LDLRAD4: variants seen among roughly 807,000 people sequenced by gnomAD.
The protein encoded by LDLRAD4 is low density lipoprotein receptor class A domain containing 4.
Under a neutral mutation model 17.0 loss-of-function variants are expected in LDLRAD4, and 5 were observed. That is an observed-to-expected ratio of 0.29 (90% CI 0.15 to 0.62). LDLRAD4 has a LOEUF of 0.62. Ranked by LOEUF, LDLRAD4 falls within the 20% of genes least tolerant of loss-of-function variation. The probability of loss-of-function intolerance (pLI) is 0.84; values close to 1 mark genes in which losing one functional copy is unlikely to be tolerated. For missense variants in LDLRAD4, 340 were observed against 424.7 expected, an observed-to-expected ratio of 0.80 and a Z score of 1.75; for synonymous variants, 168 against 171.8, an observed-to-expected ratio of 0.98 and a Z score of 0.17.
chr18:13,643,907 T>C (rs1459931733), intron 5 of LDLRAD4, among the ~76,000 whole-genome samples: 1 of 152,228 alleles, frequency 6.6e-6, no homozygotes, highest in Non-Finnish European at 1.5e-5. Context: ...TATGCATATA[T>C]GCGTGTGTGT....
At chr18:13,233,126 C>T (rs1018995673) in intron 1 of LDLRAD4, among the ~76,000 whole-genome samples, 1 of 152,248 alleles carries the variant, frequency 6.6e-6, no homozygotes, top group Non-Finnish European at 1.5e-5. Flanking sequence ...CCACCAGTGG[C>T]GCCACCTCTT....
At chr18:13,638,407 T>C (rs1041363758) in intron 4 of LDLRAD4, among the ~76,000 whole-genome samples, 1 of 152,228 alleles carries the variant, frequency 6.6e-6, no homozygotes, top group Non-Finnish European at 1.5e-5. Flanking sequence ...GTAGCCTCCA[T>C]CTGTATAATA....
chr18:13,468,000 C>T (rs544164959), intron 3 of LDLRAD4, among the ~76,000 whole-genome samples: 5 of 152,132 alleles, frequency 3.3e-5, no homozygotes, highest in African/African-American at 4.8e-5. Context: ...AATGTATCAA[C>T]GACTTACATT....
In LDLRAD4 at chr18:13,635,968, T is replaced by A. The variant is rs868390003; in HGVS notation, c.337-7391T>A. On this transcript the variant is annotated intron_variant, in intron 4 of 5. Transcript: ENST00000359446. Reference sequence around the variant, plus strand: ...GTGTGTGTGTGTGTGTGTGTGTGTGTGATTGTGCCTTCTGTGGATATCGGC... The same window carrying A: ...GTGTGTGTGTGTGTGTGTGTGTGTGAGATTGTGCCTTCTGTGGATATCGGC... Among the ~76,000 whole-genome samples, 62 of 147,828 alleles carry A rather than the reference T, an allele frequency of 4.2e-4. 1 individual carries two copies. The highest frequency in any genetic ancestry group is 3.3e-3 in the Admixed American group (48 of 14,640).
chr18:13,568,059 G>T (rs7239181), intron 3 of LDLRAD4, among the ~76,000 whole-genome samples: 79,110 of 150,512 alleles, frequency 0.53, 20,862 homozygotes, highest in Admixed American at 0.55. Context: ...CCGAGGAGGT[G>T]GGGGGTGGGG....
chr18:13,318,687 C>T (rs144295947), intron 1 of LDLRAD4, among the ~76,000 whole-genome samples: 68 of 152,236 alleles, frequency 4.5e-4, no homozygotes, highest in African/African-American at 1.4e-3. Context: ...CTAGGCATTC[C>T]GGGGATTTCA....
chr18:13,629,583 C>T (rs1365884814), intron 4 of LDLRAD4, among the ~76,000 whole-genome samples: 1 of 152,148 alleles, frequency 6.6e-6, no homozygotes, highest in African/African-American at 2.4e-5. Context: ...CATCTATAGA[C>T]TCCCAGAGTA....
chr18:13,420,721 T>C (rs2089364757), intron 2 of LDLRAD4: 2 of 152,306 alleles, frequency 1.3e-5, no homozygotes, highest in Non-Finnish European at 2.9e-5. Context: ...AGACCTTCCA[T>C]GCATGGGCAG....
chr18:13,328,739 G>A lies in LDLRAD4; in HGVS notation c.-383+50551G>A, dbSNP rs144754435. Among the ~76,000 whole-genome samples, 21 of 152,198 alleles carry A rather than the reference G, an allele frequency of 1.4e-4. No individual in the cohort carries two copies. The East Asian group carries it at 3.9e-3, about 28-fold the overall frequency. On this transcript the variant is annotated intron_variant, in intron 1 of 5. Transcript: ENST00000359446. ...TAAAATTTGCGTTTTTAGTCAAGCA[G>A]CTCAAAAAACATATAAAAAGATGTT...
intron 3 of LDLRAD4, among the ~76,000 whole-genome samples, chr18:13,583,140 T>G (rs76611032): frequency 0.053 from 8,088 of 152,308 alleles, 776 homozygotes; most frequent in East Asian, 0.4. Context: ...ATTTTAAAAT[T>G]TATTTACTAG....
intron 3 of LDLRAD4, among the ~76,000 whole-genome samples, chr18:13,499,140 CCTT>C (rs1179696935): frequency 6.9e-6 from 1 of 145,680 alleles, no homozygotes; most frequent in Non-Finnish European, 1.5e-5. Flanking sequence ...TCTGGAGAAT[CCTT>C]CTACTCACAC....
chr18:13,624,647 GC>G (rs548798690), intron 4 of LDLRAD4, among the ~76,000 whole-genome samples: 2 of 152,228 alleles, frequency 1.3e-5, no homozygotes, highest in South Asian at 4.1e-4. Flanking sequence ...CCCATGCCTG[GC>G]CTGGCCCATG....
intron 2 of LDLRAD4, among the ~76,000 whole-genome samples, chr18:13,400,408 G>T (rs906573426): frequency 9.2e-5 from 14 of 152,188 alleles, no homozygotes; most frequent in African/African-American, 3.4e-4. Context: ...TTTGGGCTTG[G>T]GTCAGAGTCC....
rs541218604 is a variant in LDLRAD4 at position 13,578,195 on chromosome 18, C to A, written c.182-42922C>A. Among the ~76,000 whole-genome samples the A allele has an allele frequency of 4.3e-4, 65 of 152,338 alleles. 1 individual carries two copies. The highest frequency in any genetic ancestry group is 4.1e-3 in the Admixed American group (62 of 15,308). On this transcript the variant is annotated intron_variant, in intron 3 of 5. Transcript: ENST00000359446. ...GGTTTGCAGACCCCTGAAGCTCATCCGTGGGTCTCAGCTAAAAGCACCTGC... is the reference window on the plus strand; with the variant it reads ...GGTTTGCAGACCCCTGAAGCTCATCAGTGGGTCTCAGCTAAAAGCACCTGC...
At chr18:13,336,713 A>G (rs2082118475) in intron 1 of LDLRAD4, among the ~76,000 whole-genome samples, 1 of 151,148 alleles carries the variant, frequency 6.6e-6, no homozygotes, top group East Asian at 2.0e-4. Context: ...TTCATATTCT[A>G]CCTTTTCTTT....
chr18:13,508,499 G>T (rs774834189), intron 3 of LDLRAD4, among the ~76,000 whole-genome samples: 3 of 152,170 alleles, frequency 2.0e-5, no homozygotes, highest in Non-Finnish European at 2.9e-5. Context: ...TCTCACTAGG[G>T]GCTAATGCAG....
rs78883890 is a variant in LDLRAD4 at position 13,428,262 on chromosome 18, C to G, written c.41-9982C>G. Among the ~76,000 whole-genome samples the G allele has an allele frequency of 6.6e-5, 10 of 152,120 alleles. No individual in the cohort carries two copies. In the East Asian group the frequency reaches 1.9e-3, roughly 29 times the overall value. On this transcript the variant is annotated intron_variant, in intron 2 of 5. Transcript: ENST00000359446. ...ATGGGGAGTGGAGTGAGGGAGGCCA[C>G]GGCGATGGTGATGTTTGCACGAAGG...
intron 3 of LDLRAD4, among the ~76,000 whole-genome samples, chr18:13,557,454 G>T (rs772061735): frequency 6.6e-6 from 1 of 152,094 alleles, no homozygotes; most frequent in African/African-American, 2.4e-5. Context: ...AAGCTGGGGC[G>T]CAGTGATGCG....
chr18:13,242,991 G>A (rs1038526400), intron 1 of LDLRAD4, among the ~76,000 whole-genome samples: 10 of 152,298 alleles, frequency 6.6e-5, no homozygotes, highest in East Asian at 1.9e-4. Context: ...CCTGCTCTGC[G>A]CCTGGCGCCT....
Sources: allele counts gnomAD v4.1 joint callset (sites outside exome capture counted in the v4.1 genomes callset), GRCh38; gene constraint gnomAD v4.1.1; transcripts MANE v1.5; gene names NCBI Gene and HGNC (gene_info 2026-07-23, HGNC 2026-07-21).